Variants in CCDC169 observed in about 807,000 individuals in gnomAD.
CCDC169 encodes the protein coiled-coil domain-containing protein 169.
A neutral mutation model predicts 36.0 loss-of-function variants in CCDC169; 30 were observed. That is an observed-to-expected ratio of 0.83 (90% confidence interval 0.62 to 1.13). The LOEUF is 1.13. Ranked by LOEUF, CCDC169 falls within the 50% of genes most tolerant of loss-of-function variation. CCDC169 has a pLI of 0.00. For synonymous variants in CCDC169, 85 were observed against 81.5 expected (o/e 1.04, Z -0.23); for missense variants, 245 against 245.9 (o/e 1.00, Z 0.03).
chr13:36,223,197 ATTT>A (rs1869703165), downstream of CCDC169: 2 of 152,130 alleles, frequency 1.3e-5, no homozygotes, highest in Non-Finnish European at 2.9e-5. Flanking sequence ...TTATGGAGTT[ATTT>A]TTGTCTCATG....
At chr13:36,270,099 C>A (rs1051997983) in intron 4 of CCDC169, among the ~76,000 whole-genome samples, 1 of 152,134 alleles carries the variant, frequency 6.6e-6, no homozygotes, top group African/African-American at 2.4e-5. Flanking sequence ...AATCAATGTA[C>A]ACAAATCAGT....
chr13:36,239,163 G>C (rs1189396263), intron 7 of CCDC169, among the ~76,000 whole-genome samples: 1 of 151,864 alleles, frequency 6.6e-6, no homozygotes, highest in Non-Finnish European at 1.5e-5. Flanking sequence ...TCTTGAGCCT[G>C]GGAGTTTAGG....
intron 7 of CCDC169, among the ~76,000 whole-genome samples, chr13:36,234,204 C>T (rs1484872160): frequency 1.3e-5 from 2 of 152,048 alleles, no homozygotes; most frequent in Non-Finnish European, 2.9e-5. Context: ...TCTGAAGACT[C>T]CCATGTATAC....
chr13:36,293,838 T>C (rs2138657103), intron 2 of CCDC169, among the ~76,000 whole-genome samples: 1 of 152,198 alleles, frequency 6.6e-6, no homozygotes, highest in Admixed American at 6.5e-5. Context: ...ATCCACAGAA[T>C]TATAAGAGTT....
intron 7 of CCDC169, among the ~76,000 whole-genome samples, chr13:36,238,479 T>A (rs1289826511): frequency 4.6e-5 from 7 of 152,166 alleles, no homozygotes; most frequent in Non-Finnish European, 1.0e-4. Context: ...TTTTTAAATG[T>A]GCTTTGGGAA....
intron 2 of CCDC169, among the ~76,000 whole-genome samples, chr13:36,289,327 T>C (rs1878603993): frequency 6.6e-6 from 1 of 152,196 alleles, no homozygotes; most frequent in Non-Finnish European, 1.5e-5. Flanking sequence ...GGTTCCACTG[T>C]TGTGGCCTGA....
intron 7 of CCDC169, among the ~76,000 whole-genome samples, chr13:36,247,578 G>A (rs1872660326): frequency 6.6e-6 from 1 of 152,168 alleles, no homozygotes; most frequent in Non-Finnish European, 1.5e-5. Context: ...CTTCAGTGGA[G>A]GAAGTACTGT....
intron 7 of CCDC169, among the ~76,000 whole-genome samples, chr13:36,246,341 C>T (rs1363680217): frequency 1.3e-5 from 2 of 152,228 alleles, no homozygotes; most frequent in African/African-American, 4.8e-5. Flanking sequence ...ATTAAAAGCA[C>T]CACTCTAGTG....
At chr13:36,292,150 A>C (rs1057141199) in intron 2 of CCDC169, among the ~76,000 whole-genome samples, 1 of 151,914 alleles carries the variant, frequency 6.6e-6, no homozygotes, top group African/African-American at 2.4e-5. Context: ...ACCACACCTG[A>C]CTAATTTTTC....
intron 4 of CCDC169, among the ~76,000 whole-genome samples, chr13:36,265,946 G>A (rs747120611): frequency 3.9e-5 from 6 of 152,142 alleles, no homozygotes; most frequent in East Asian, 1.9e-4. Context: ...TCATCCTTGA[G>A]AGATCTAGTT....
At chr13:36,246,697 A>ACTAG (rs1363092735) in intron 7 of CCDC169, among the ~76,000 whole-genome samples, 1 of 152,220 alleles carries the variant, frequency 6.6e-6, no homozygotes, top group Non-Finnish European at 1.5e-5. Flanking sequence ...GTTACCCAGA[A>ACTAG]CTAGCTAAGA....
At chr13:36,238,304 T>C (rs1181910841) in intron 7 of CCDC169, among the ~76,000 whole-genome samples, 1 of 152,200 alleles carries the variant, frequency 6.6e-6, no homozygotes, top group Non-Finnish European at 1.5e-5. Context: ...TCTGGCTCTG[T>C]TGCCCAAGCT....
At position 36,288,489 on chromosome 13, in the gene CCDC169, C is replaced by T. The variant is rs538928817; in HGVS notation, c.164-4787G>A. ...ATTATTTTGAATTAAATAATAGATGCTCCAATCCAATAGATAATAATTTGA... is the reference window on the plus strand; with the variant it reads ...ATTATTTTGAATTAAATAATAGATGTTCCAATCCAATAGATAATAATTTGA... On this transcript the variant is annotated intron_variant, in intron 2 of 7. Coordinates refer to ENST00000239859, the MANE Select transcript of CCDC169 (RefSeq NM_001144981.3). Among the ~76,000 whole-genome samples the T allele has an allele frequency of 7.2e-5, 11 of 152,188 alleles. No individual in the cohort carries two copies. In the East Asian group the frequency reaches 1.9e-3, roughly 27 times the overall value.
At chr13:36,244,824 C>G (rs541677421) in intron 7 of CCDC169, among the ~76,000 whole-genome samples, 1 of 58,034 alleles carries the variant, frequency 1.7e-5, no homozygotes, top group Admixed American at 1.9e-4. Context: ...TAGTGAACCA[C>G]TGAATATGGA....
intron 7 of CCDC169, among the ~76,000 whole-genome samples, chr13:36,233,443 A>G (rs556736935): frequency 6.6e-6 from 1 of 152,202 alleles, no homozygotes; most frequent in Non-Finnish European, 1.5e-5. Flanking sequence ...CTCTTATACA[A>G]GAAAAAAAGC....
chr13:36,291,771 T>G (rs1361148289), intron 2 of CCDC169, among the ~76,000 whole-genome samples: 1 of 152,166 alleles, frequency 6.6e-6, no homozygotes, highest in Non-Finnish European at 1.5e-5. Context: ...TATGCTAGTT[T>G]GAGATAAATA....
In CCDC169 at chr13:36,296,874, T is replaced by C. The variant is rs532562559; in HGVS notation, c.83+763A>G. On this transcript the variant is annotated intron_variant, in intron 1 of 7. Coordinates refer to ENST00000239859, the MANE Select transcript of CCDC169 (RefSeq NM_001144981.3). Reference sequence around the variant, plus strand: ...AGGATTAAAGAGGTTAATTAACTTGTCTAAGATTGCATAGTTACTGAGTGA... The same window carrying C: ...AGGATTAAAGAGGTTAATTAACTTGCCTAAGATTGCATAGTTACTGAGTGA... 3.9e-5 allele frequency among the ~76,000 whole-genome samples: 6 copies of C among 152,332 alleles called. 1 individual carries two copies. The Middle Eastern group carries it at 0.017, about 432-fold the overall frequency.
At chr13:36,268,187 A>G (rs1421116622) in intron 4 of CCDC169, among the ~76,000 whole-genome samples, 1 of 152,212 alleles carries the variant, frequency 6.6e-6, no homozygotes, top group Non-Finnish European at 1.5e-5. Context: ...TCATGAGCGC[A>G]TGGAACATTC....
At chr13:36,227,193 T>C (rs1869923764), downstream of CCDC169, 1 of 1,508,874 alleles carries the variant, frequency 6.6e-7, no homozygotes, top group Non-Finnish European at 9.0e-7. Flanking sequence ...TGTCTGAGTA[T>C]TTTACTTTTA....
Sources: gnomAD v4.1 joint callset for allele counts (sites outside exome capture counted in the v4.1 genomes callset) on GRCh38, gnomAD v4.1.1 for gene constraint, MANE v1.5 for transcripts, NCBI Gene and HGNC (gene_info 2026-07-23, HGNC 2026-07-21) for gene names.